ENKUR: variants seen among roughly 807,000 people sequenced by gnomAD.
The protein encoded by ENKUR is enkurin.
Under a neutral mutation model 27.6 loss-of-function variants are expected in ENKUR, and 19 were observed. The observed-to-expected ratio is 0.69, with a 90% CI of 0.48 to 1.01. The LOEUF is 1.01. ENKUR is among the 50% of genes least tolerant of loss of function. The pLI is 0.00. For synonymous variants in ENKUR, 117 were observed against 96.9 expected, an observed-to-expected ratio of 1.21 and a Z score of -1.22; for missense variants, 312 against 310.5, an observed-to-expected ratio of 1.00 and a Z score of -0.04.
upstream of ENKUR, among the ~76,000 whole-genome samples, chr10:25,018,332 C>G (rs78642603): frequency 0.02 from 3,082 of 152,240 alleles, 84 homozygotes; most frequent in African/African-American, 0.068. Context: ...ATGCCTGTGT[C>G]CACCGCATGT....
chr10:25,050,368 T>C (rs1294341776), intron 2 of ENKUR, among the ~76,000 whole-genome samples: 1 of 152,172 alleles, frequency 6.6e-6, no homozygotes, highest in Middle Eastern at 3.2e-3. Context: ...TTTAATTGAC[T>C]CACAGTTCCA....
chr10:25,044,419 T>C (rs1337749104), intron 2 of ENKUR, among the ~76,000 whole-genome samples: 3 of 152,126 alleles, frequency 2.0e-5, no homozygotes, highest in African/African-American at 4.8e-5. Flanking sequence ...TTCTTAGAGA[T>C]AGCGTTTCAC....
At chr10:25,035,690 G>C (rs961575555) in intron 2 of ENKUR, among the ~76,000 whole-genome samples, 1 of 152,168 alleles carries the variant, frequency 6.6e-6, no homozygotes, top group Non-Finnish European at 1.5e-5. Context: ...GGAATGAACA[G>C]TCAGTAATTT....
intron 1 of ENKUR, among the ~76,000 whole-genome samples, chr10:24,999,961 T>A (rs1028146686): frequency 5.3e-5 from 8 of 152,178 alleles, no homozygotes; most frequent in Non-Finnish European, 1.2e-4. Context: ...TCCATTTCAA[T>A]GATATCTGTG....
chr10:25,047,214 A>T (rs1473108996), intron 2 of ENKUR, among the ~76,000 whole-genome samples: 1 of 152,144 alleles, frequency 6.6e-6, no homozygotes, highest in Non-Finnish European at 1.5e-5. Flanking sequence ...CAATTTTTCC[A>T]TGATGAGGCT....
chr10:25,036,993 C>A (rs1441800813), intron 2 of ENKUR, among the ~76,000 whole-genome samples: 3 of 152,108 alleles, frequency 2.0e-5, no homozygotes, highest in African/African-American at 7.2e-5. Flanking sequence ...GAAACAATCC[C>A]GTGCAAGCCA....
At chr10:25,023,762 C>T in intron 2 of ENKUR, 1 of 1,613,834 alleles carries the variant, frequency 6.2e-7, no homozygotes, top group Non-Finnish European at 8.5e-7. Flanking sequence ...AATTCTGGAA[C>T]ATCTATGAAA....
chr10:25,024,847 G>T, intron 2 of ENKUR: 1 of 1,614,058 alleles, frequency 6.2e-7, no homozygotes, highest in South Asian at 1.1e-5. Flanking sequence ...TGTTTTGACT[G>T]ATTTTATAAA....
intron 2 of ENKUR, among the ~76,000 whole-genome samples, chr10:25,034,150 A>G (rs1289225909): frequency 6.6e-6 from 1 of 152,122 alleles, no homozygotes. Context: ...AGTAAAACGT[A>G]TTATTTATTT....
At chr10:25,012,509 C>G (rs1190032696) in intron 1 of ENKUR, among the ~76,000 whole-genome samples, 1 of 152,220 alleles carries the variant, frequency 6.6e-6, no homozygotes, top group Non-Finnish European at 1.5e-5. Context: ...AGGATCCCAC[C>G]TCTTGCATCA....
chr10:25,058,966 G>T (rs951650556), intron 2 of ENKUR, among the ~76,000 whole-genome samples: 2 of 150,180 alleles, frequency 1.3e-5, no homozygotes, highest in Non-Finnish European at 3.0e-5. Context: ...GGAGACCCAG[G>T]GCCCACCTGA....
chr10:25,000,655 T>A (rs966881056), intron 1 of ENKUR, among the ~76,000 whole-genome samples: 3 of 152,090 alleles, frequency 2.0e-5, no homozygotes, highest in Admixed American at 1.3e-4. Flanking sequence ...TTTGTAATAG[T>A]ATATGTTTTT....
intron 2 of ENKUR, among the ~76,000 whole-genome samples, chr10:25,054,217 T>G (rs1851219609): frequency 6.6e-6 from 1 of 152,190 alleles, no homozygotes. Context: ...GGTCAGGAGT[T>G]TGAGACCAGC....
At chr10:25,018,253 T>G (rs980698553), upstream of ENKUR, among the ~76,000 whole-genome samples, 1 of 152,232 alleles carries the variant, frequency 6.6e-6, no homozygotes, top group Non-Finnish European at 1.5e-5. Context: ...TCTCCTTGCC[T>G]TTTGAAAGTG....
intron 1 of ENKUR, among the ~76,000 whole-genome samples, chr10:25,013,957 TA>T (rs34467911): frequency 0.34 from 50,484 of 148,912 alleles, 8,698 homozygotes; most frequent in East Asian, 0.5. Context: ...AAAAAGTAAT[TA>T]AAAAAAAAAG....
intron 2 of ENKUR, among the ~76,000 whole-genome samples, chr10:25,037,148 C>T (rs943036061): frequency 1.3e-5 from 2 of 152,124 alleles, no homozygotes; most frequent in African/African-American, 4.8e-5. Flanking sequence ...CAAGCAGGAT[C>T]CATGAGTGTA....
intron 2 of ENKUR, among the ~76,000 whole-genome samples, chr10:25,052,772 T>TTTTTTTC (rs1035123391): frequency 1.4e-5 from 1 of 71,210 alleles, no homozygotes; most frequent in Non-Finnish European, 2.9e-5. Context: ...GACTCTCTCT[T>TTTTTTTC]TTTTTTCTTT....
intron 2 of ENKUR, chr10:25,024,522 T>A (rs1350466932): frequency 6.2e-7 from 1 of 1,614,062 alleles, no homozygotes. Flanking sequence ...CAGTGGGTGT[T>A]GAGTCAGATT....
chr10:24,984,360 G>A lies in ENKUR; in HGVS notation c.*10C>T, dbSNP rs1849731550. 1.3e-6 allele frequency: 2 copies of A among 1,584,918 alleles called. No individual in the cohort carries two copies. Among genetic ancestry groups the A allele is most frequent in the African/African-American group, 2.8e-5 (2 of 71,772 alleles). ...AATACTTAACAGTTTTCAAAGTTGT[G>A]CTGTTGGTATCATGCGCTGCAGAAA... is the stretch of plus-strand genomic sequence containing the variant. On this transcript the variant is annotated 3_prime_UTR_variant, in exon 6 of 6. Transcript: ENST00000331161.
Sources: allele counts gnomAD v4.1 joint callset (sites outside exome capture counted in the v4.1 genomes callset), GRCh38; gene constraint gnomAD v4.1.1; transcripts MANE v1.5; gene names NCBI Gene and HGNC (gene_info 2026-07-23, HGNC 2026-07-21).